FER: variants seen among roughly 807,000 people sequenced by gnomAD.
FER encodes the protein FER tyrosine kinase.
In FER, 63 loss-of-function variants were observed where a neutral mutation model predicts 111.0. That is an observed-to-expected ratio of 0.57 (90% confidence interval 0.46 to 0.70). The LOEUF is 0.70. Among genes scored for constraint, FER ranks in the 30% least tolerant of loss-of-function variants. The pLI is 0.00. For missense variants in FER, 914 were observed against 954.0 expected, an observed-to-expected ratio of 0.96 and a Z score of 0.55; for synonymous variants, 327 against 313.9, an observed-to-expected ratio of 1.04 and a Z score of -0.44.
At chr5:108,785,294 G>A in intron 2 of FER, 5 of 547,876 alleles carry the variant, frequency 9.1e-6, no homozygotes, top group Non-Finnish European at 1.8e-5. Flanking sequence ...TTATATGCCA[G>A]ATGGTGGGGG....
chr5:108,767,682 G>C (rs975099628), intron 1 of FER, among the ~76,000 whole-genome samples: 1 of 152,126 alleles, frequency 6.6e-6, no homozygotes, highest in Non-Finnish European at 1.5e-5. Context: ...AGGTTTCACT[G>C]TGTTGCCCAG....
At chr5:109,145,074 A>T (rs561487272) in intron 17 of FER, among the ~76,000 whole-genome samples, 2 of 150,826 alleles carry the variant, frequency 1.3e-5, no homozygotes, top group African/African-American at 4.9e-5. Flanking sequence ...CTTTATTGTT[A>T]TGTTTCAAAT....
chr5:108,946,409 A>G (rs1349892674), intron 11 of FER, among the ~76,000 whole-genome samples, 187 bp downstream of exon 11: 1 of 151,862 alleles, frequency 6.6e-6, no homozygotes, highest in Admixed American at 6.6e-5. Context: ...ATCTGTCTAT[A>G]TATGTGTATA....
intron 16 of FER, among the ~76,000 whole-genome samples, chr5:109,092,303 A>G (rs1209556267): frequency 1.4e-5 from 2 of 147,352 alleles, no homozygotes; most frequent in South Asian, 2.1e-4. Flanking sequence ...AAAAAAAAAA[A>G]AAAAAAAACA....
chr5:109,152,777 C>A (rs1468628783), intron 17 of FER, among the ~76,000 whole-genome samples: 1 of 151,898 alleles, frequency 6.6e-6, no homozygotes, highest in Non-Finnish European at 1.5e-5. Context: ...ACTTTTCAAA[C>A]TGTGTCAAGG....
At chr5:108,894,463 C>A in intron 9 of FER, 1 of 416,838 alleles carries the variant, frequency 2.4e-6, no homozygotes, top group Non-Finnish European at 4.5e-6. Context: ...CAGTTCTTCA[C>A]TGATAACATG....
rs1376682098 is a variant in FER at position 109,189,184 on chromosome 5, T to G, written c.*1609T>G. On this transcript the variant is annotated 3_prime_UTR_variant, in exon 20 of 20. Transcript: ENST00000281092. ...GTATCTTAACTCTTATCTAGGGAACTTACTTACTTACCCCATGATCTGTAT... is the reference window on the plus strand; with the variant it reads ...GTATCTTAACTCTTATCTAGGGAACGTACTTACTTACCCCATGATCTGTAT... The G allele has an allele frequency of 1.1e-5, 1 of 94,824 alleles. No individual in the cohort carries two copies. The highest frequency in any genetic ancestry group is 2.4e-5 in the Non-Finnish European group (1 of 40,894). 5.9% of individuals were successfully genotyped at this position (94,824 alleles called of 1,614,324 possible).
intron 13 of FER, among the ~76,000 whole-genome samples, chr5:108,979,496 T>C (rs1040534698): frequency 6.6e-6 from 1 of 152,060 alleles, no homozygotes; most frequent in Non-Finnish European, 1.5e-5. Flanking sequence ...TAAGTCAGAG[T>C]CAAGAGTTCA....
intron 5 of FER, among the ~76,000 whole-genome samples, chr5:108,857,435 A>G (rs1203595291): frequency 1.3e-5 from 2 of 152,126 alleles, no homozygotes; most frequent in East Asian, 1.9e-4. Context: ...ATTATTGGAT[A>G]TTAATTTGAT....
chr5:108,871,995 A>G lies in FER; in HGVS notation c.804-98A>G, dbSNP rs555453630. 1.2e-4 allele frequency: 145 copies of G among 1,238,124 alleles called. 1 individual carries two copies. Among genetic ancestry groups the G allele is most frequent in the Non-Finnish European group, 1.6e-4 (142 of 904,882 alleles). The allele number at this position is 1,238,124 out of a possible 1,614,324, so 76.7% of individuals were successfully genotyped here. A position where few individuals can be genotyped will look rare whatever the true frequency, so the allele number is the denominator to read the frequency against. ...TATTTGTGTTTTCTTTGTTAACATA[A>G]TTTTGGATAAAAACAAATATTCTGC... On this transcript the variant is annotated intron_variant, in intron 7 of 19. Coordinates refer to ENST00000281092, the MANE Select transcript of FER (RefSeq NM_005246.4).
intron 13 of FER, among the ~76,000 whole-genome samples, chr5:108,962,174 G>A (rs1581411260): frequency 6.6e-6 from 1 of 152,078 alleles, no homozygotes; most frequent in South Asian, 2.1e-4. Context: ...GAAAACTAGT[G>A]GGTGCCTGAG....
intron 8 of FER, among the ~76,000 whole-genome samples, chr5:108,873,514 G>A (rs1580991260): frequency 6.6e-6 from 1 of 152,214 alleles, no homozygotes; most frequent in East Asian, 1.9e-4. Context: ...CGCAAATCAT[G>A]TGTACAAGAT....
At chr5:108,938,202 G>T (rs991901657) in intron 10 of FER, among the ~76,000 whole-genome samples, 2 of 151,814 alleles carry the variant, frequency 1.3e-5, no homozygotes, top group African/African-American at 4.8e-5. Context: ...CCAAAGTTAA[G>T]TAGAGTGGTA....
rs1007803053 is a variant in FER at position 108,821,684 on chromosome 5, C to T, written c.208-11086C>T. On this transcript the variant is annotated intron_variant, in intron 3 of 19. Coordinates refer to ENST00000281092, the MANE Select transcript of FER (RefSeq NM_005246.4). ...CTCCTTAGAGGTTTCCAAGTACACA[C>T]ATATTATTTTTGTTATTAAATTCTA... Among the ~76,000 whole-genome samples the T allele has an allele frequency of 5.3e-5, 8 of 151,714 alleles. No individual in the cohort carries two copies. In the East Asian group the frequency reaches 1.5e-3, roughly 29 times the overall value.
intron 13 of FER, among the ~76,000 whole-genome samples, chr5:108,980,404 A>G (rs560521944): frequency 3.4e-4 from 52 of 152,292 alleles, no homozygotes; most frequent in African/African-American, 1.2e-3. Context: ...AAATTTTTGC[A>G]TAAATTGAAT....
chr5:109,129,271 T>C (rs1752089263), intron 17 of FER, among the ~76,000 whole-genome samples: 1 of 152,034 alleles, frequency 6.6e-6, no homozygotes, highest in African/African-American at 2.4e-5. Flanking sequence ...GTTTGAATAA[T>C]AGTTATTGGA....
chr5:109,084,962 C>T (rs963477115), intron 16 of FER, among the ~76,000 whole-genome samples: 1 of 151,824 alleles, frequency 6.6e-6, no homozygotes, highest in Non-Finnish European at 1.5e-5. Flanking sequence ...AAACCAAAAA[C>T]CGTACTTTCT....
intron 13 of FER, among the ~76,000 whole-genome samples, chr5:109,035,109 C>T (rs906413773): frequency 6.7e-6 from 1 of 148,684 alleles, no homozygotes; most frequent in African/African-American, 2.5e-5. Flanking sequence ...TCTTGGCTCA[C>T]TGCAACCTCT....
chr5:108,753,403 AG>A (rs1372212523), intron 1 of FER, among the ~76,000 whole-genome samples: 3 of 152,154 alleles, frequency 2.0e-5, no homozygotes, highest in Non-Finnish European at 4.4e-5. Flanking sequence ...GTATCTCAGC[AG>A]GGATAATTAT....
Sources: gnomAD v4.1 joint callset for allele counts (sites outside exome capture counted in the v4.1 genomes callset) on GRCh38, gnomAD v4.1.1 for gene constraint, MANE v1.5 for transcripts, NCBI Gene and HGNC (gene_info 2026-07-23, HGNC 2026-07-21) for gene names.